PSIP1: variants seen among roughly 807,000 people sequenced by gnomAD.
PSIP1 encodes PC4 and SFRS1-interacting protein.
Under a neutral mutation model 74.7 loss-of-function variants are expected in PSIP1, and 19 were observed. The ratio of observed to expected loss-of-function variants is 0.25; its 90% CI spans 0.18 to 0.37. The LOEUF is 0.37. Among genes scored for constraint, PSIP1 ranks in the 10% least tolerant of loss-of-function variants. PSIP1 has a pLI of 1.00. For synonymous variants in PSIP1, 222 were observed against 195.3 expected (o/e 1.14, Z -1.14); for missense variants, 601 against 614.3 (o/e 0.98, Z 0.23).
In PSIP1 at chr9:15,484,896, G is replaced by C. The variant is rs188645900; in HGVS notation, c.456+1110C>G. On this transcript the variant is annotated intron_variant, in intron 6 of 15. Coordinates refer to ENST00000380733, the MANE Select transcript of PSIP1 (RefSeq NM_033222.5). ...CCACTTCACACCAACCTGGATGACA[G>C]AGCGAGATCCGTCTCAAAAAAAAAA... 7.0e-5 allele frequency among the ~76,000 whole-genome samples: 9 copies of C among 128,196 alleles called. No individual in the cohort carries two copies. The East Asian group carries it at 2.1e-3, about 30-fold the overall frequency. 84.1% of individuals were successfully genotyped at this position (128,196 alleles called of 152,430 possible).
chr9:15,479,595 A>G lies in PSIP1; in HGVS notation c.549T>C (p.Pro183=), dbSNP rs753585819. The change falls in exon 7 of 16, where the codon CCT becomes CCC. Residue 183 remains proline (P), a synonymous_variant. Coordinates refer to ENST00000380733, the MANE Select transcript of PSIP1 (RefSeq NM_033222.5). ...TTTAAACATCAGTAATCCTACCTGC[A>G]GGTCGTCCTCTTTTAGGACTCACTT... The part of the protein sequence containing the change: ...NLKVSPKRGR[P]AATEVKIPKP... The G allele has an allele frequency of 6.9e-6, 11 of 1,597,598 alleles. No individual in the cohort carries two copies. Among genetic ancestry groups the G allele is most frequent in the Non-Finnish European group, 9.4e-6 (11 of 1,172,010 alleles).
chr9:15,476,556 A>G (rs371180589), intron 8 of PSIP1, among the ~76,000 whole-genome samples: 3 of 152,360 alleles, frequency 2.0e-5, no homozygotes, highest in Admixed American at 6.5e-5. Flanking sequence ...AGCCTGGGTC[A>G]AAGACCCAAT....
Position 15,470,847 on chromosome 9 carries a change from A to C in PSIP1, c.978-854T>G, listed in dbSNP as rs1042858751. ...TAGCTTCAAAACAAAATGAATTTTT[A>C]TATTTTCTAGATGAATAATGTACAA... On this transcript the variant is annotated intron_variant, in intron 10 of 15. Transcript: ENST00000380733. 4 of 1,048,552 alleles carry C rather than the reference A, an allele frequency of 3.8e-6. No individual in the cohort carries two copies. In the African/African-American group the frequency reaches 5.2e-5, roughly 14 times the overall value. The allele number at this position is 1,048,552 out of a possible 1,614,324, so 65.0% of individuals were successfully genotyped here. A position where few individuals can be genotyped will look rare whatever the true frequency, so the allele number is the denominator to read the frequency against.
intron 6 of PSIP1, 39 bp downstream of exon 6, chr9:15,485,967 C>T (rs768939209): frequency 9.9e-6 from 15 of 1,520,538 alleles, no homozygotes; most frequent in African/African-American, 4.2e-5. Context: ...AATAAAAATT[C>T]TTTTCAGATC....
At chr9:15,470,728 AC>A (rs778011596) in intron 10 of PSIP1, 4 of 956,164 alleles carry the variant, frequency 4.2e-6, no homozygotes, top group African/African-American at 3.5e-5. Context: ...GATTAAAAAA[AC>A]ATTTATTAAG....
intron 2 of PSIP1, among the ~76,000 whole-genome samples, chr9:15,509,331 T>A (rs1052551734): frequency 1.3e-5 from 2 of 152,192 alleles, no homozygotes; most frequent in Non-Finnish European, 2.9e-5. Context: ...GGTACCACCA[T>A]AAACAAAAAG....
chr9:15,482,546 T>C (rs2036380047), intron 6 of PSIP1, among the ~76,000 whole-genome samples: 1 of 152,154 alleles, frequency 6.6e-6, no homozygotes, highest in Non-Finnish European at 1.5e-5. Context: ...ATCCCTCCCC[T>C]TCAGTGTTAA....
At position 15,466,818 on chromosome 9, in the gene PSIP1, T is replaced by G. The variant is rs763047272; in HGVS notation, c.1462A>C (p.Asn488His). ...LNGGSDAQDG[N>H]QPQHNGESNE... ...CTCTCCCCGTTATGTTGTGGCTGAT[T>G]ACCATCTTGAGCATCAGATCCTCCA... The change falls in exon 15 of 16, where the codon AAT becomes CAT. Residue 488 changes from asparagine to histidine, a missense_variant. Physicochemically the swap from Asn to His is moderately conservative, Grantham distance 68 (BLOSUM62 1). Coordinates refer to ENST00000380733, the MANE Select transcript of PSIP1 (RefSeq NM_033222.5). 5.0e-6 allele frequency: 8 copies of G among 1,613,552 alleles called. No homozygotes were observed. The highest frequency in any genetic ancestry group is 1.7e-4 in the Middle Eastern group (1 of 6,060).
At chr9:15,493,470 C>T (rs2036927765) in intron 3 of PSIP1, among the ~76,000 whole-genome samples, 1 of 152,170 alleles carries the variant, frequency 6.6e-6, no homozygotes, top group Non-Finnish European at 1.5e-5. Context: ...CCAACCTCTG[C>T]CTGTTACCCA....
At chr9:15,486,106 T>C (rs1471609631) in intron 5 of PSIP1, 38 bp from the exon 6 acceptor site, 5 of 1,483,760 alleles carry the variant, frequency 3.4e-6, no homozygotes, top group Non-Finnish European at 4.6e-6. Flanking sequence ...CTGAATAAAT[T>C]ATTCCAGGAA....
rs1306486023 is a variant in PSIP1 at position 15,464,671 on chromosome 9, A to C, written c.*849T>G. 2 of 197,916 alleles carry C rather than the reference A, an allele frequency of 1.0e-5. No homozygotes were observed. The highest frequency in any genetic ancestry group is 1.0e-5 in the Non-Finnish European group (1 of 95,766). 12.3% of individuals were successfully genotyped at this position (197,916 alleles called of 1,614,324 possible). ...ATTAAGTTTTAGTGACTTCCTAAAG[A>C]CATTTTTAACAACATTCCTCAAAAA... On this transcript the variant is annotated 3_prime_UTR_variant, in exon 16 of 16. Coordinates refer to ENST00000380733, the MANE Select transcript of PSIP1 (RefSeq NM_033222.5).
chr9:15,478,650 A>G, intron 7 of PSIP1, 98 bp from the exon 8 acceptor site: 2 of 822,456 alleles, frequency 2.4e-6, no homozygotes, highest in Non-Finnish European at 2.0e-6. Context: ...CTATTTAAGA[A>G]TATTAGTAGC....
At chr9:15,470,076 G>A in intron 10 of PSIP1, 83 bp from the exon 11 acceptor site, 1 of 1,149,896 alleles carries the variant, frequency 8.7e-7, no homozygotes, top group South Asian at 1.3e-5. Flanking sequence ...AGCTAAAAAT[G>A]TTTTCCTTAA....
intron 3 of PSIP1, among the ~76,000 whole-genome samples, chr9:15,493,572 C>T (rs960726934): frequency 1.3e-5 from 2 of 152,134 alleles, no homozygotes; most frequent in African/African-American, 2.4e-5. Context: ...TCTCACACTG[C>T]TATGAGGAAA....
At chr9:15,465,857 G>T in intron 15 of PSIP1, 1 of 327,362 alleles carries the variant, frequency 3.1e-6, no homozygotes. Flanking sequence ...ATCATTTCTA[G>T]CATAAAAGTG....
intron 6 of PSIP1, among the ~76,000 whole-genome samples, chr9:15,481,352 C>T (rs2036326945): frequency 6.6e-6 from 1 of 152,218 alleles, no homozygotes; most frequent in African/African-American, 2.4e-5. Context: ...AAGACTCTCT[C>T]CACTTACACT....
Position 15,472,662 on chromosome 9 carries a change from C to G in PSIP1, c.947G>C (p.Arg316Pro). The part of the protein sequence containing the change: ...QHEKEAADRK[R>P]KQEEQMETEQ... Reference sequence around the variant, plus strand: ...AGTTTCCATTTGTTCCTCTTGCTTGCGTTTTCGATCTGCTGCTTCTTTCTC... The same window carrying G: ...AGTTTCCATTTGTTCCTCTTGCTTGGGTTTTCGATCTGCTGCTTCTTTCTC... The change falls in exon 10 of 16, where the codon CGC (arginine) becomes CCC (proline). Residue 316 changes from arginine (R) to proline (P), a missense_variant. Arg to Pro is a moderately radical substitution (Grantham distance 103). This residue lies in a region of PSIP1 where 538 missense variants were observed against 507.6 expected (regional missense o/e 1.06). Coordinates refer to ENST00000380733, the MANE Select transcript of PSIP1 (RefSeq NM_033222.5). 6.2e-7 allele frequency: 1 copy of G among 1,604,484 alleles called. No homozygotes were observed. The highest frequency in any genetic ancestry group is 8.5e-7 in the Non-Finnish European group (1 of 1,177,760).
In PSIP1 at chr9:15,506,588, G is replaced by A. The variant is rs748748576; in HGVS notation, c.122C>T (p.Pro41Leu). 2 of 1,612,684 alleles carry A rather than the reference G, an allele frequency of 1.2e-6. No homozygotes were observed. The highest frequency in any genetic ancestry group is 2.2e-5 in the East Asian group (1 of 44,846). ...GAVKPPTNKLPIFFFGTHETA... is the reference protein window; with the variant it reads ...GAVKPPTNKLLIFFFGTHETA... ...CTCATGAGTTCCAAAAAAGAAAATG[G>A]GTAGTTTGTTTGTGGGTGGCTTTAC... The change falls in exon 3 of 16, where the codon CCC becomes CTC. Residue 41 changes from proline (P) to leucine (L), a missense_variant. Pro to Leu is a moderately conservative substitution (Grantham distance 98). Around this residue, in one of 2 missense-constraint regions of PSIP1, gnomAD observed 63 missense variants for 106.7 expected, o/e 0.59. Coordinates refer to ENST00000380733, the MANE Select transcript of PSIP1 (RefSeq NM_033222.5).
chr9:15,482,097 G>A (rs2036361899), intron 6 of PSIP1, among the ~76,000 whole-genome samples: 1 of 151,832 alleles, frequency 6.6e-6, no homozygotes, highest in African/African-American at 2.4e-5. Context: ...AGCTCTACCA[G>A]CTTCCTTGAT....
Sources: gnomAD v4.1 joint callset for allele counts (sites outside exome capture counted in the v4.1 genomes callset) on GRCh38, gnomAD v4.1.1 for gene constraint, gnomAD v4.1.1 regional missense constraint, MANE v1.5 for transcripts, NCBI Gene and HGNC (gene_info 2026-07-23, HGNC 2026-07-21) for gene names.